The following WWOX variants were observed in gnomAD, a reference collection of about 807,000 sequenced individuals.
The protein encoded by WWOX is WW domain-containing oxidoreductase.
Under a neutral mutation model 46.2 loss-of-function variants are expected in WWOX, and 69 were observed. That is an observed-to-expected ratio of 1.49 (90% CI 1.23 to 1.82). The LOEUF is 1.82. Ranked by LOEUF, WWOX falls within the 40% of genes most tolerant of loss-of-function variation. The pLI, the probability that WWOX is intolerant of heterozygous loss-of-function variation, is 0.00. For synonymous variants in WWOX, 359 were observed against 202.6 expected (o/e 1.77, Z -6.56); for missense variants, 919 against 542.6 (o/e 1.69, Z -6.89).
At chr16:78,538,109 C>A (rs1204237177) in intron 8 of WWOX, among the ~76,000 whole-genome samples, 1 of 147,144 alleles carries the variant, frequency 6.8e-6, no homozygotes, top group Non-Finnish European at 1.5e-5. Context: ...TTTGGAAGAA[C>A]AAATTTAAGT....
Position 79,075,073 on chromosome 16 carries a change from A to G in WWOX, c.1057-136535A>G, listed in dbSNP as rs548706026. Among the ~76,000 whole-genome samples the G allele has an allele frequency of 1.8e-4, 28 of 152,274 alleles. No homozygotes were observed. The South Asian group carries it at 5.6e-3, about 30-fold the overall frequency. ...AAATCACTATGGAAGTGCAATAGTT[A>G]TTACTTTGTTTGGAATTCACTACAA... On this transcript the variant is annotated intron_variant, in intron 8 of 8. Transcript: ENST00000566780.
intron 8 of WWOX, among the ~76,000 whole-genome samples, chr16:78,664,894 C>A (rs1233653463): frequency 6.6e-6 from 1 of 152,200 alleles, no homozygotes; most frequent in African/African-American, 2.4e-5. Flanking sequence ...CATGAATAGG[C>A]ACTTACAATG....
At position 78,100,436 on chromosome 16, in the gene WWOX, A is replaced by G. The variant is rs184343731; in HGVS notation, c.107+551A>G. 2.0e-3 allele frequency among the ~76,000 whole-genome samples: 300 copies of G among 152,292 alleles called. 2 individuals are homozygous for G. Among genetic ancestry groups the G allele is most frequent in the African/African-American group, 6.7e-3 (277 of 41,572 alleles). Reference sequence around the variant, plus strand: ...CCCGACTAATTTTTTAAGTATTTGTAGAGACTAGGGTCGCACCATGTTGCC... The same window carrying G: ...CCCGACTAATTTTTTAAGTATTTGTGGAGACTAGGGTCGCACCATGTTGCC... On this transcript the variant is annotated intron_variant, in intron 1 of 8. Coordinates refer to ENST00000566780, the MANE Select transcript of WWOX (RefSeq NM_016373.4).
intron 1 of WWOX, among the ~76,000 whole-genome samples, chr16:78,106,466 A>G (rs115962352): frequency 2.8e-4 from 34 of 120,922 alleles, no homozygotes; most frequent in African/African-American, 1.0e-3. Context: ...ATTGTTGCCC[A>G]GGCTGGAGTG....
chr16:79,211,316 C>T lies in WWOX; in HGVS notation c.1057-292C>T, dbSNP rs114703987. ...CATCTTTTTCTCTGTGTGGAAGAGG[C>T]GCCTGCCACGACGTATTGATATGTG... On this transcript the variant is annotated intron_variant, in intron 8 of 8. Coordinates refer to ENST00000566780, the MANE Select transcript of WWOX (RefSeq NM_016373.4). Among the ~76,000 whole-genome samples the T allele has an allele frequency of 0.019, 2,880 of 152,214 alleles. 99 individuals are homozygous for T. Among genetic ancestry groups the T allele is most frequent in the African/African-American group, 0.066 (2,728 of 41,524 alleles).
chr16:78,946,101 C>G (rs901622027), intron 8 of WWOX, among the ~76,000 whole-genome samples: 30 of 152,170 alleles, frequency 2.0e-4, no homozygotes, highest in Admixed American at 3.3e-4. Flanking sequence ...GGTGGTTGTT[C>G]AGGAAATTCC....
At chr16:78,159,549 G>T (rs1033239398) in intron 4 of WWOX, among the ~76,000 whole-genome samples, 5 of 151,882 alleles carry the variant, frequency 3.3e-5, no homozygotes, top group Non-Finnish European at 5.9e-5. Context: ...ATCTCACTGT[G>T]GTTTCAATTT....
intron 4 of WWOX, among the ~76,000 whole-genome samples, chr16:78,126,250 A>G (rs1411468029): frequency 2.0e-5 from 3 of 152,118 alleles, no homozygotes; most frequent in Non-Finnish European, 4.4e-5. Flanking sequence ...ACTCTTCTAT[A>G]GTTTTATTTT....
chr16:78,125,176 C>T lies in WWOX; in HGVS notation c.409+10022C>T, dbSNP rs148798148. Among the ~76,000 whole-genome samples the T allele has an allele frequency of 2.1e-3, 318 of 152,166 alleles. 1 individual carries two copies. Among genetic ancestry groups the T allele is most frequent in the Non-Finnish European group, 3.4e-3 (234 of 67,998 alleles). Reference sequence around the variant, plus strand: ...AGCCGTTTAAAATTTATGAAGATTCCGTACTTGTCATATTTAATTCTCAGC... The same window carrying T: ...AGCCGTTTAAAATTTATGAAGATTCTGTACTTGTCATATTTAATTCTCAGC... On this transcript the variant is annotated intron_variant, in intron 4 of 8. Transcript: ENST00000566780.
At chr16:78,934,931 C>G (rs2045704594) in intron 8 of WWOX, among the ~76,000 whole-genome samples, 1 of 152,162 alleles carries the variant, frequency 6.6e-6, no homozygotes, top group Admixed American at 6.5e-5. Flanking sequence ...GAAACCCCAT[C>G]TCTACAAAGA....
chr16:78,139,072 C>T (rs1415743770), intron 4 of WWOX, among the ~76,000 whole-genome samples: 3 of 151,906 alleles, frequency 2.0e-5, no homozygotes, highest in East Asian at 1.9e-4. Context: ...TTAGGGGTGG[C>T]GCATAGACAG....
In WWOX at chr16:79,211,811, G is replaced by A. The variant is rs533890923; in HGVS notation, c.*15G>A. ...AGTCCGGCTAAGTGGAGCTCAGAGC[G>A]GATGGGCACACACACCCGCCCTGTG... On this transcript the variant is annotated 3_prime_UTR_variant, in exon 9 of 9. Transcript: ENST00000566780. The A allele has an allele frequency of 5.6e-5, 91 of 1,613,898 alleles. 1 individual carries two copies. Among genetic ancestry groups the A allele is most frequent in the African/African-American group, 4.7e-4 (35 of 75,066 alleles).
chr16:78,366,383 T>A (rs1423882810), intron 5 of WWOX, among the ~76,000 whole-genome samples: 1 of 152,228 alleles, frequency 6.6e-6, no homozygotes, highest in Non-Finnish European at 1.5e-5. Flanking sequence ...GTTAGGCTGT[T>A]TTTTTATTGT....
At chr16:78,521,498 G>C (rs935810662) in intron 8 of WWOX, among the ~76,000 whole-genome samples, 6 of 152,206 alleles carry the variant, frequency 3.9e-5, no homozygotes, top group Non-Finnish European at 8.8e-5. Flanking sequence ...CCTGCCACCT[G>C]TGTGAAGCTG....
At chr16:79,185,060 G>A (rs1470827399) in intron 8 of WWOX, among the ~76,000 whole-genome samples, 1 of 152,202 alleles carries the variant, frequency 6.6e-6, no homozygotes. Flanking sequence ...TGGTCCTTTT[G>A]TGATTTGAGA....
intron 8 of WWOX, among the ~76,000 whole-genome samples, chr16:78,654,226 C>G (rs960656998): frequency 1.3e-5 from 2 of 152,164 alleles, no homozygotes; most frequent in Admixed American, 6.5e-5. Flanking sequence ...GCTCACAGCC[C>G]TGAAAACCCT....
intron 8 of WWOX, among the ~76,000 whole-genome samples, chr16:79,057,478 T>A (rs938220080): frequency 2.6e-5 from 4 of 152,196 alleles, no homozygotes; most frequent in African/African-American, 7.2e-5. Context: ...AGTCTTTCTG[T>A]AAAGACCATT....
intron 8 of WWOX, among the ~76,000 whole-genome samples, chr16:78,869,944 G>A (rs2044090646): frequency 6.6e-6 from 1 of 152,184 alleles, no homozygotes; most frequent in African/African-American, 2.4e-5. Context: ...AGTGCCTTGG[G>A]AGTCTATGTT....
intron 8 of WWOX, among the ~76,000 whole-genome samples, chr16:78,511,139 T>G (rs2151486724): frequency 6.6e-6 from 1 of 152,314 alleles, no homozygotes; most frequent in Non-Finnish European, 1.5e-5. Context: ...TTCTGATATT[T>G]ACAGCCCTTG....
Sources: gnomAD v4.1 joint callset for allele counts (sites outside exome capture counted in the v4.1 genomes callset) on GRCh38, gnomAD v4.1.1 for gene constraint, MANE v1.5 for transcripts, NCBI Gene and HGNC (gene_info 2026-07-23, HGNC 2026-07-21) for gene names.